The following CMSS1 variants were observed in gnomAD, a reference collection of about 807,000 sequenced individuals.
CMSS1 encodes the protein protein CMSS1.
In CMSS1, 33 loss-of-function variants were observed where a neutral mutation model predicts 43.5. The observed-to-expected ratio is 0.76, with a 90% CI of 0.57 to 1.01. CMSS1 has a LOEUF of 1.01. Among genes scored for constraint, CMSS1 ranks in the 50% least tolerant of loss-of-function variants. The probability of loss-of-function intolerance (pLI) is 0.00; values close to 1 mark genes in which losing one functional copy is unlikely to be tolerated. For missense variants in CMSS1, 313 were observed against 326.4 expected, an observed-to-expected ratio of 0.96 and a Z score of 0.32; for synonymous variants, 115 against 117.2, an observed-to-expected ratio of 0.98 and a Z score of 0.12.
chr3:100,090,258 A>T (rs1324816711), intron 1 of CMSS1, among the ~76,000 whole-genome samples: 1 of 152,192 alleles, frequency 6.6e-6, no homozygotes, highest in Non-Finnish European at 1.5e-5. Context: ...TTCAAGATTC[A>T]AATTTAACTG....
intron 1 of CMSS1, among the ~76,000 whole-genome samples, chr3:100,066,405 T>C (rs1279446554): frequency 1.3e-5 from 2 of 152,186 alleles, no homozygotes; most frequent in African/African-American, 4.8e-5. Flanking sequence ...TTTGTTTATG[T>C]AGGCAGTCAT....
chr3:99,935,444 T>G (rs1371693079), intron 1 of CMSS1, among the ~76,000 whole-genome samples: 1 of 152,180 alleles, frequency 6.6e-6, no homozygotes, highest in Non-Finnish European at 1.5e-5. Flanking sequence ...ACGATAACCT[T>G]CAGGAGTGTA....
chr3:100,138,593 C>T (rs540903801), intron 1 of CMSS1, among the ~76,000 whole-genome samples: 4 of 152,300 alleles, frequency 2.6e-5, no homozygotes, highest in Admixed American at 1.3e-4. Context: ...AAAAAAAGCT[C>T]AACATCACTG....
intron 1 of CMSS1, among the ~76,000 whole-genome samples, chr3:100,132,833 AAAAAAAAG>A (rs1559767326): frequency 6.6e-6 from 1 of 151,454 alleles, no homozygotes; most frequent in East Asian, 1.9e-4. Context: ...AAAAAAAAAA[AAAAAAAAG>A]AAAAAGTAAA....
intron 1 of CMSS1, among the ~76,000 whole-genome samples, chr3:99,945,381 G>A (rs1490655656): frequency 6.6e-6 from 1 of 152,136 alleles, no homozygotes; most frequent in Admixed American, 6.5e-5. Flanking sequence ...TGTGGTAATG[G>A]GGATAGATTG....
intron 1 of CMSS1, among the ~76,000 whole-genome samples, chr3:100,034,519 T>C (rs2065074943): frequency 6.6e-6 from 1 of 152,240 alleles, no homozygotes; most frequent in Non-Finnish European, 1.5e-5. Flanking sequence ...AGGTTCTTTG[T>C]GTTGCCTAAA....
At chr3:99,983,375 A>AAAATAAAT (rs201845792) in intron 1 of CMSS1, among the ~76,000 whole-genome samples, 1 of 51,254 alleles carries the variant, frequency 2.0e-5, no homozygotes, top group African/African-American at 6.5e-5. Flanking sequence ...CTCTACTTAA[A>AAAATAAAT]AAATAAATAA....
intron 1 of CMSS1, among the ~76,000 whole-genome samples, chr3:99,888,658 G>A (rs1191635682): frequency 6.6e-6 from 1 of 152,088 alleles, no homozygotes; most frequent in African/African-American, 2.4e-5. Flanking sequence ...TTATATACTG[G>A]CTGTGGAAGG....
intron 1 of CMSS1, among the ~76,000 whole-genome samples, chr3:99,944,936 A>G (rs538755506): frequency 6.6e-6 from 1 of 152,242 alleles, no homozygotes; most frequent in Non-Finnish European, 1.5e-5. Context: ...CACAGAGTGA[A>G]TTAAATTCAA....
chr3:100,058,357 G>A (rs1296953841), intron 1 of CMSS1, among the ~76,000 whole-genome samples: 4 of 152,192 alleles, frequency 2.6e-5, no homozygotes, highest in African/African-American at 9.7e-5. Context: ...TTATAAACGG[G>A]TATGATTTTC....
intron 8 of CMSS1, among the ~76,000 whole-genome samples, chr3:100,174,922 T>A (rs2067137394): frequency 6.6e-6 from 1 of 152,178 alleles, no homozygotes; most frequent in African/African-American, 2.4e-5. Context: ...AATGAATGTA[T>A]TTCCTTTGAG....
At chr3:100,159,578 T>G (rs1041498155) in intron 2 of CMSS1, among the ~76,000 whole-genome samples, 12 of 152,246 alleles carry the variant, frequency 7.9e-5, no homozygotes, top group Admixed American at 7.2e-4. Context: ...AGTTTTCACT[T>G]ACATTTTATA....
At chr3:99,924,394 C>G in intron 1 of CMSS1, 1 of 1,614,036 alleles carries the variant, frequency 6.2e-7, no homozygotes. Context: ...TATGTTTTTC[C>G]ACAACTTTGT....
At chr3:99,830,386 A>G (rs1942630791) in intron 1 of CMSS1, 3 of 386,560 alleles carry the variant, frequency 7.8e-6, no homozygotes, top group Admixed American at 5.8e-5. Flanking sequence ...CTGTAGATGA[A>G]TGTATCCAGG....
intron 1 of CMSS1, among the ~76,000 whole-genome samples, chr3:99,960,821 C>G (rs1006692135): frequency 6.6e-6 from 1 of 152,078 alleles, no homozygotes; most frequent in African/African-American, 2.4e-5. Context: ...GCCCTTGGCT[C>G]TAAAGCTCTG....
intron 1 of CMSS1, among the ~76,000 whole-genome samples, chr3:100,010,778 A>AC (rs552182434): frequency 2.1e-5 from 2 of 93,678 alleles, no homozygotes; most frequent in Non-Finnish European, 4.0e-5. Context: ...CCACGCCCGG[A>AC]TTTTTTTTTT....
At chr3:99,924,201 G>A in intron 1 of CMSS1, 1 of 1,596,162 alleles carries the variant, frequency 6.3e-7, no homozygotes, top group Non-Finnish European at 8.6e-7. Context: ...ATTGCAGAAT[G>A]GGACATTGTT....
chr3:100,116,573 A>T (rs910172604), intron 1 of CMSS1, among the ~76,000 whole-genome samples: 4 of 152,188 alleles, frequency 2.6e-5, no homozygotes, highest in Non-Finnish European at 5.9e-5. Context: ...GGATTGCGTG[A>T]GCTCATTGCT....
chr3:99,992,638 T>C (rs1451434842), intron 1 of CMSS1, among the ~76,000 whole-genome samples: 1 of 152,148 alleles, frequency 6.6e-6, no homozygotes, highest in Non-Finnish European at 1.5e-5. Context: ...GTTGATTATT[T>C]CTTTTGGTAT....
Sources: allele counts gnomAD v4.1 joint callset (sites outside exome capture counted in the v4.1 genomes callset), GRCh38; gene constraint gnomAD v4.1.1; transcripts MANE v1.5; gene names NCBI Gene and HGNC (gene_info 2026-07-23, HGNC 2026-07-21).